FBXO34: variants seen among roughly 807,000 people sequenced by gnomAD.
The protein encoded by FBXO34 is F-box only protein 34.
FBXO34 carries 12 observed loss-of-function variants against 24.5 expected under a neutral mutation model. The observed-to-expected ratio is 0.49, with a 90% CI of 0.31 to 0.79. The LOEUF (loss-of-function observed/expected upper bound fraction) is 0.79, where lower values mean the gene tolerates loss of function less well. FBXO34 is among the 30% of genes least tolerant of loss of function. The probability of loss-of-function intolerance (pLI) is 0.04; values close to 1 mark genes in which losing one functional copy is unlikely to be tolerated. For synonymous variants in FBXO34, 320 were observed against 311.9 expected (o/e 1.03, Z -0.27); for missense variants, 823 against 857.7 (o/e 0.96, Z 0.51).
At chr14:55,418,831 G>C in the FBXO34 span, among the ~76,000 whole-genome samples, 2 of 152,212 alleles carry the variant, frequency 1.3e-5, no homozygotes, top group Admixed American at 1.3e-4. Context: ...AAAACCAGGA[G>C]AGTGTGTTTT....
chr14:55,409,818 G>C, the FBXO34 span, among the ~76,000 whole-genome samples: 1 of 152,198 alleles, frequency 6.6e-6, no homozygotes, highest in African/African-American at 2.4e-5. Flanking sequence ...TGGAAGATTT[G>C]AACAGAAATG....
chr14:55,395,269 G>A, the FBXO34 span: 16 of 333,510 alleles, frequency 4.8e-5, no homozygotes, highest in South Asian at 1.3e-4. Context: ...AAGCGCCTGC[G>A]AGGCATAGTG....
intron 1 of FBXO34, among the ~76,000 whole-genome samples, chr14:55,345,600 A>G (rs1410829299): frequency 1.3e-5 from 2 of 152,090 alleles, no homozygotes; most frequent in East Asian, 1.9e-4. Flanking sequence ...CTTCTGACAC[A>G]TATAACATTT....
At chr14:55,375,141 C>T in the FBXO34 span, among the ~76,000 whole-genome samples, 26 of 152,050 alleles carry the variant, frequency 1.7e-4, no homozygotes, top group African/African-American at 5.6e-4. Flanking sequence ...TGTGTAGAGC[C>T]ATTCAAATAA....
At chr14:55,406,110 T>C in the FBXO34 span, among the ~76,000 whole-genome samples, 1 of 152,254 alleles carries the variant, frequency 6.6e-6, no homozygotes, top group Non-Finnish European at 1.5e-5. Context: ...CATGGTTCCC[T>C]TCTTAAGAGT....
At chr14:55,381,022 A>T in the FBXO34 span, among the ~76,000 whole-genome samples, 1 of 151,932 alleles carries the variant, frequency 6.6e-6, no homozygotes, top group Non-Finnish European at 1.5e-5. Flanking sequence ...TCACCTCTCC[A>T]GAGAGGGCTC....
At chr14:55,395,241 G>A in the FBXO34 span, 1 of 359,500 alleles carries the variant, frequency 2.8e-6, no homozygotes, top group Non-Finnish European at 5.6e-6. Flanking sequence ...CATCCTGGCT[G>A]CAGGGAAGGC....
At chr14:55,278,942 C>A (rs1881435948) in intron 1 of FBXO34, among the ~76,000 whole-genome samples, 1 of 152,198 alleles carries the variant, frequency 6.6e-6, no homozygotes, top group South Asian at 2.1e-4. Context: ...CTGCCTTGGC[C>A]TCCCAAAATG....
the FBXO34 span, among the ~76,000 whole-genome samples, chr14:55,404,535 G>A: frequency 6.6e-6 from 1 of 152,158 alleles, no homozygotes. Context: ...CATGAAGTAT[G>A]TCTTTTGGTG....
chr14:55,298,600 C>T (rs1052934332), intron 1 of FBXO34: 14 of 1,017,904 alleles, frequency 1.4e-5, no homozygotes, highest in African/African-American at 6.3e-5. Context: ...GGGCGGGCGC[C>T]GGAGCCCAGC....
At chr14:55,402,926 AATATATATATATATATATAT>A in the FBXO34 span, among the ~76,000 whole-genome samples, 267 of 16,392 alleles carry the variant, frequency 0.016, 6 homozygotes, top group African/African-American at 0.038. Context: ...AAAAAAAAAA[AATATATATATATATATATAT>A]ATATATATAT....
At chr14:55,387,519 T>C in the FBXO34 span, among the ~76,000 whole-genome samples, 1 of 152,164 alleles carries the variant, frequency 6.6e-6, no homozygotes, top group African/African-American at 2.4e-5. Context: ...TAGCTCTTGG[T>C]TCCTCAGATG....
At chr14:55,412,130 G>A in the FBXO34 span, among the ~76,000 whole-genome samples, 1 of 152,204 alleles carries the variant, frequency 6.6e-6, no homozygotes, top group Non-Finnish European at 1.5e-5. Flanking sequence ...CATACCCTAA[G>A]GATTCTGGGA....
At chr14:55,331,776 T>C (rs561815385) in intron 1 of FBXO34, among the ~76,000 whole-genome samples, 6 of 74,914 alleles carry the variant, frequency 8.0e-5, no homozygotes, top group African/African-American at 3.6e-4. Context: ...TATATATATA[T>C]ATACCACCAT....
At chr14:55,307,351 C>A (rs1882586505) in intron 1 of FBXO34, among the ~76,000 whole-genome samples, 1 of 152,136 alleles carries the variant, frequency 6.6e-6, no homozygotes, top group Non-Finnish European at 1.5e-5. Flanking sequence ...TTAAGCGGAC[C>A]TCTTTGAATT....
intron 1 of FBXO34, among the ~76,000 whole-genome samples, chr14:55,304,719 C>T (rs930158924): frequency 4.7e-5 from 7 of 148,206 alleles, no homozygotes; most frequent in Non-Finnish European, 7.5e-5. Flanking sequence ...AGGCTGGTCT[C>T]GAACTCCTGG....
At chr14:55,408,396 C>A in the FBXO34 span, among the ~76,000 whole-genome samples, 1 of 152,158 alleles carries the variant, frequency 6.6e-6, no homozygotes, top group African/African-American at 2.4e-5. Context: ...GTCAAAGCTG[C>A]AGTGAGCTGT....
the FBXO34 span, chr14:55,386,126 ATC>A: frequency 1.3e-6 from 2 of 1,571,430 alleles, no homozygotes; most frequent in Non-Finnish European, 1.7e-6. Context: ...CCCAACAATT[ATC>A]TCTGCAAACA....
In FBXO34 at chr14:55,303,278, TGCATA is replaced by T. The variant is rs535462793; in HGVS notation, c.-11+31742_-11+31746del. Among the ~76,000 whole-genome samples, 304 of 152,354 alleles carry T rather than the reference TGCATA, an allele frequency of 2.0e-3. 1 individual carries two copies. Among genetic ancestry groups the T allele is most frequent in the Middle Eastern group, 0.01 (3 of 294 alleles). ...TTGAACAAAGTAGACAGAGTGAACC[TGCATA>T]ATTATAGTATCAGCTGGATACTCTG... On this transcript the variant is annotated intron_variant, in intron 1 of 1. Coordinates refer to ENST00000313833, the MANE Select transcript of FBXO34 (RefSeq NM_017943.4).
Sources: gnomAD v4.1 joint callset for allele counts (sites outside exome capture counted in the v4.1 genomes callset) on GRCh38, gnomAD v4.1.1 for gene constraint, MANE v1.5 for transcripts, NCBI Gene and HGNC (gene_info 2026-07-23, HGNC 2026-07-21) for gene names.